Variants in PRIM2 observed in about 807,000 individuals in gnomAD.
The protein encoded by PRIM2 is DNA primase large subunit.
PRIM2 carries 39 observed loss-of-function variants against 67.3 expected under a neutral mutation model. The ratio of observed to expected loss-of-function variants is 0.58; its 90% CI spans 0.45 to 0.76. The LOEUF is 0.76. PRIM2 is among the 30% of genes least tolerant of loss of function. The probability of loss-of-function intolerance (pLI) is 0.00; values close to 1 mark genes in which losing one functional copy is unlikely to be tolerated. For synonymous variants in PRIM2, 143 were observed against 198.7 expected (o/e 0.72, Z 2.36); for missense variants, 398 against 598.7 (o/e 0.66, Z 3.50).
chr6:57,391,015 T>C (rs1770325710), intron 7 of PRIM2, among the ~76,000 whole-genome samples: 1 of 152,052 alleles, frequency 6.6e-6, no homozygotes, highest in Non-Finnish European at 1.5e-5. Flanking sequence ...AGTGTATAAG[T>C]GTTCCCTCCT....
intron 10 of PRIM2, among the ~76,000 whole-genome samples, chr6:57,588,381 A>G (rs2127487565): frequency 6.6e-6 from 1 of 150,602 alleles, no homozygotes; most frequent in East Asian, 2.0e-4. Context: ...TTGAGGGTAG[A>G]TTGTGTTGTC....
rs77817532 is a variant in PRIM2, at chr6:57,429,533, A to T, written c.693+47365A>T. Among the ~76,000 whole-genome samples, 191 of 152,104 alleles carry T rather than the reference A, an allele frequency of 1.3e-3. 5 individuals are homozygous for T. The East Asian group carries it at 0.016, about 13-fold the overall frequency. Reference sequence around the variant, plus strand: ...GATAAAAGAGTCTTTATCAGTCTTAAGGTGCTGAATTGTGGCCCCCCAACA... The same window carrying T: ...GATAAAAGAGTCTTTATCAGTCTTATGGTGCTGAATTGTGGCCCCCCAACA... On this transcript the variant is annotated intron_variant, in intron 7 of 13. Transcript: ENST00000615550.
the PRIM2 span, among the ~76,000 whole-genome samples, chr6:57,264,808 A>G: frequency 6.6e-6 from 1 of 151,826 alleles, no homozygotes; most frequent in Non-Finnish European, 1.5e-5. Flanking sequence ...ATCTTGGCCA[A>G]GATGGTTCCA....
intron 7 of PRIM2, among the ~76,000 whole-genome samples, chr6:57,486,085 A>G (rs1773745841): frequency 6.6e-6 from 1 of 152,192 alleles, no homozygotes; most frequent in African/African-American, 2.4e-5. Context: ...TGGAATTCCA[A>G]AGAGTAAAGG....
intron 5 of PRIM2, among the ~76,000 whole-genome samples, chr6:57,370,635 G>T (rs1769515757): frequency 6.6e-6 from 1 of 151,218 alleles, no homozygotes; most frequent in African/African-American, 2.4e-5. Flanking sequence ...GAGTGTGTTT[G>T]CTTACTTTGG....
At chr6:57,491,552 A>T (rs1429176906) in intron 7 of PRIM2, among the ~76,000 whole-genome samples, 1 of 152,126 alleles carries the variant, frequency 6.6e-6, no homozygotes, top group African/African-American at 2.4e-5. Context: ...CTTTGATCTC[A>T]TATTGCAGTA....
chr6:57,474,768 G>A (rs1255354139), intron 7 of PRIM2, among the ~76,000 whole-genome samples: 5 of 152,144 alleles, frequency 3.3e-5, no homozygotes, highest in African/African-American at 9.7e-5. Flanking sequence ...TATTTAATAG[G>A]TGAGAAGAAA....
intron 7 of PRIM2, among the ~76,000 whole-genome samples, chr6:57,451,623 T>C (rs893135006): frequency 6.6e-6 from 1 of 152,296 alleles, no homozygotes; most frequent in South Asian, 2.1e-4. Flanking sequence ...AGATTCTTAA[T>C]AGGTCCCGAA....
intron 10 of PRIM2, among the ~76,000 whole-genome samples, chr6:57,547,510 T>C (rs1387936112): frequency 1.3e-5 from 2 of 152,182 alleles, no homozygotes; most frequent in Admixed American, 1.3e-4. Context: ...ATGAATACCA[T>C]GAAAATATTC....
intron 5 of PRIM2, among the ~76,000 whole-genome samples, chr6:57,353,139 CAAAA>C (rs57281233): frequency 1.0e-4 from 6 of 58,586 alleles, no homozygotes; most frequent in African/African-American, 2.5e-4. Flanking sequence ...GGTGAAATCC[CAAAA>C]AAAAAAAAAA....
chr6:57,226,017 T>G, the PRIM2 span, among the ~76,000 whole-genome samples: 1 of 152,254 alleles, frequency 6.6e-6, no homozygotes, highest in South Asian at 2.1e-4. Context: ...TCATCTATAG[T>G]AAGGAGTTAC....
the PRIM2 span, among the ~76,000 whole-genome samples, chr6:57,236,885 T>TGTGTCCTTA: frequency 6.6e-6 from 1 of 152,212 alleles, no homozygotes; most frequent in East Asian, 1.9e-4. Context: ...TACTTGTGCA[T>TGTGTCCTTA]GTGTCCTTAT....
chr6:57,339,261 G>A (rs375492348), intron 5 of PRIM2, among the ~76,000 whole-genome samples: 146 of 152,254 alleles, frequency 9.6e-4, no homozygotes, highest in African/African-American at 3.1e-3. Context: ...AATCAATATC[G>A]TGAAAACGGC....
chr6:57,417,478 ATACT>A (rs1771304421), intron 7 of PRIM2, among the ~76,000 whole-genome samples: 1 of 152,194 alleles, frequency 6.6e-6, no homozygotes, highest in Admixed American at 6.5e-5. Context: ...TTTCACGTCA[ATACT>A]TAAAGGCCAT....
chr6:57,516,077 C>T lies in PRIM2; in HGVS notation c.761+8623C>T, dbSNP rs1399104346. On this transcript the variant is annotated intron_variant, in intron 8 of 13. Transcript: ENST00000615550. ...CCTGTGGGTCCCATCTCAGAGCCTTCCCATGCTTCAGATCTCTCTAACTTA... is the reference window on the plus strand; with the variant it reads ...CCTGTGGGTCCCATCTCAGAGCCTTTCCATGCTTCAGATCTCTCTAACTTA... 9.9e-5 allele frequency among the ~76,000 whole-genome samples: 15 copies of T among 151,696 alleles called. 1 individual carries two copies. In the East Asian group the frequency reaches 2.5e-3, roughly 25 times the overall value.
At chr6:57,633,127 A>G (rs1254634914) in intron 13 of PRIM2, among the ~76,000 whole-genome samples, 2 of 152,198 alleles carry the variant, frequency 1.3e-5, no homozygotes, top group African/African-American at 4.8e-5. Flanking sequence ...TGTTTGCCCT[A>G]TTAGAGGCAT....
chr6:57,280,254 C>A, the PRIM2 span, among the ~76,000 whole-genome samples: 3 of 152,150 alleles, frequency 2.0e-5, no homozygotes, highest in African/African-American at 7.2e-5. Context: ...TTTCTCCACA[C>A]AGAAATAACC....
chr6:57,311,998 G>A (rs1266106024), upstream of PRIM2, among the ~76,000 whole-genome samples: 7 of 119,112 alleles, frequency 5.9e-5, no homozygotes, highest in South Asian at 2.0e-3. Flanking sequence ...GCAAGAAAGG[G>A]AGACCGTAGA....
chr6:57,421,237 C>A (rs1771451263), intron 7 of PRIM2, among the ~76,000 whole-genome samples: 1 of 152,114 alleles, frequency 6.6e-6, no homozygotes, highest in African/African-American at 2.4e-5. Flanking sequence ...AAAGTAATAT[C>A]TGGAACAAAA....
Sources: allele counts gnomAD v4.1 joint callset (sites outside exome capture counted in the v4.1 genomes callset), GRCh38; gene constraint gnomAD v4.1.1; transcripts MANE v1.5; gene names NCBI Gene and HGNC (gene_info 2026-07-23, HGNC 2026-07-21).